Variants in NIPBL observed in about 807,000 individuals in gnomAD.
The protein encoded by NIPBL is nipped-B-like protein.
In NIPBL, 19 loss-of-function variants were observed where a neutral mutation model predicts 321.8. That is an observed-to-expected ratio of 0.06 (90% CI 0.04 to 0.09). NIPBL has a LOEUF of 0.09. Among genes scored for constraint, NIPBL ranks in the 10% least tolerant of loss-of-function variants. The pLI, the probability that NIPBL is intolerant of heterozygous loss-of-function variation, is 1.00. For synonymous variants in NIPBL, 1,106 were observed against 1,114.1 expected (o/e 0.99, Z 0.14); for missense variants, 2,210 against 3,327.0 (o/e 0.66, Z 8.26).
In NIPBL at chr5:37,060,467, T is replaced by C. The variant is rs1227920431; in HGVS notation, c.7686-377T>C. Among the ~76,000 whole-genome samples, 3 of 152,348 alleles carry C rather than the reference T, an allele frequency of 2.0e-5. 1 individual carries two copies. Among genetic ancestry groups the C allele is most frequent in the Admixed American group, 2.0e-4 (3 of 15,298 alleles). On this transcript the variant is annotated intron_variant, in intron 44 of 46. Coordinates refer to ENST00000282516, the MANE Select transcript of NIPBL (RefSeq NM_133433.4). ...GCATGAGCCACTGCTCCTGGCCTTA[T>C]AAGGAATATCTTGATGTTAAATGTT...
chr5:36,889,795 A>G (rs2149522803), intron 1 of NIPBL, among the ~76,000 whole-genome samples: 1 of 152,234 alleles, frequency 6.6e-6, no homozygotes, highest in East Asian at 1.9e-4. Context: ...TTGGAAGCCA[A>G]AACTACATAT....
At position 37,060,988 on chromosome 5, in the gene NIPBL, G is replaced by C. The variant is rs115668015; in HGVS notation, c.7830G>C (p.Val2610=). ...DMANSKITEE[V]KRSIVKQYLD... ...CTAATTCCAAAATCACAGAAGAGGT[G>C]AAAAGGAGTATAGTAAAACAGTATC... is the stretch of plus-strand genomic sequence containing the variant. Residue 2610 remains valine (V), a synonymous_variant, in exon 45 of 47, where the codon GTG becomes GTC. Coordinates refer to ENST00000282516, the MANE Select transcript of NIPBL (RefSeq NM_133433.4). The C allele has an allele frequency of 2.4e-3, 3,902 of 1,614,042 alleles. 12 individuals are homozygous for C. Among genetic ancestry groups the C allele is most frequent in the Non-Finnish European group, 2.9e-3 (3,382 of 1,179,992 alleles).
intron 6 of NIPBL, among the ~76,000 whole-genome samples, chr5:36,969,226 C>A (rs905463736): frequency 1.3e-5 from 2 of 152,156 alleles, no homozygotes; most frequent in African/African-American, 4.8e-5. Flanking sequence ...ATTATTATTA[C>A]ACCCGTATCT....
intron 34 of NIPBL, among the ~76,000 whole-genome samples, chr5:37,039,876 G>A (rs1752136469): frequency 6.6e-6 from 1 of 152,036 alleles, no homozygotes; most frequent in African/African-American, 2.4e-5. Context: ...TATCTTTAGG[G>A]TTCGTATTAG....
intron 22 of NIPBL, among the ~76,000 whole-genome samples, chr5:37,015,092 G>T (rs1027373243): frequency 2.0e-5 from 3 of 151,696 alleles, no homozygotes; most frequent in Non-Finnish European, 4.4e-5. Context: ...AGGAAAGTTT[G>T]TGAAGAGATG....
intron 10 of NIPBL, among the ~76,000 whole-genome samples, chr5:36,992,942 T>C (rs1242311829): frequency 4.0e-5 from 6 of 151,750 alleles, no homozygotes; most frequent in Admixed American, 2.6e-4. Context: ...GGGGTTTCAC[T>C]GTGTTAGCCA....
At chr5:36,880,108 G>T (rs1450682489) in intron 1 of NIPBL, among the ~76,000 whole-genome samples, 1 of 141,192 alleles carries the variant, frequency 7.1e-6, no homozygotes, top group East Asian at 2.1e-4. Context: ...GTTCTTCATA[G>T]TAATCATTAT....
At position 36,920,173 on chromosome 5, in the gene NIPBL, C is replaced by A. The variant is rs374928015; in HGVS notation, c.-79-33445C>A. 1.1e-3 allele frequency among the ~76,000 whole-genome samples: 173 copies of A among 152,174 alleles called. 1 individual carries two copies. The East Asian group carries it at 0.02, about 17-fold the overall frequency. ...AAAAAAGAAAAGGCTTCTCAAGTGACACAAATGCATATGTTTTCAGAGACT... is the reference window on the plus strand; with the variant it reads ...AAAAAAGAAAAGGCTTCTCAAGTGAAACAAATGCATATGTTTTCAGAGACT... On this transcript the variant is annotated intron_variant, in intron 1 of 46. Coordinates refer to ENST00000282516, the MANE Select transcript of NIPBL (RefSeq NM_133433.4).
chr5:36,943,735 A>G (rs751997959), intron 1 of NIPBL, among the ~76,000 whole-genome samples: 2 of 152,160 alleles, frequency 1.3e-5, no homozygotes, highest in African/African-American at 4.8e-5. Context: ...TGAGTTCAAC[A>G]GTAGAGTACG....
intron 1 of NIPBL, among the ~76,000 whole-genome samples, chr5:36,899,021 C>A (rs533394456): frequency 7.5e-4 from 114 of 152,218 alleles, no homozygotes; most frequent in Non-Finnish European, 1.4e-3. Flanking sequence ...AGAAAACTCT[C>A]AAGTGTTTGC....
intron 1 of NIPBL, among the ~76,000 whole-genome samples, chr5:36,947,967 C>G (rs891527613): frequency 6.6e-6 from 1 of 151,836 alleles, no homozygotes. Context: ...AGCAATATAT[C>G]TTTAATATCT....
chr5:36,923,665 A>G (rs894849451), intron 1 of NIPBL, among the ~76,000 whole-genome samples: 1 of 152,164 alleles, frequency 6.6e-6, no homozygotes, highest in Non-Finnish European at 1.5e-5. Context: ...GCAGTCACAG[A>G]AGTAGTCTTG....
intron 8 of NIPBL, 115 bp from the exon 9 acceptor site, chr5:36,975,661 A>G: frequency 9.8e-7 from 1 of 1,020,354 alleles, no homozygotes; most frequent in South Asian, 1.5e-5. Context: ...CTTGGATTAT[A>G]TAATTTCTTA....
At chr5:36,941,307 C>T (rs983133022) in intron 1 of NIPBL, among the ~76,000 whole-genome samples, 7 of 151,674 alleles carry the variant, frequency 4.6e-5, no homozygotes, top group African/African-American at 1.7e-4. Flanking sequence ...TTTTAGAAAC[C>T]GATCTTTCTA....
chr5:37,042,722 C>G (rs1324153810), intron 34 of NIPBL, among the ~76,000 whole-genome samples: 1 of 150,578 alleles, frequency 6.6e-6, no homozygotes, highest in Non-Finnish European at 1.5e-5. Flanking sequence ...TCCAGCTACT[C>G]TGGAGGCTGA....
At chr5:36,900,503 A>G (rs1412013585) in intron 1 of NIPBL, among the ~76,000 whole-genome samples, 1 of 152,152 alleles carries the variant, frequency 6.6e-6, no homozygotes, top group African/African-American at 2.4e-5. Context: ...TCAAGAGATG[A>G]GAGAAGGAAG....
At chr5:36,961,148 AGT>A (rs1481658937) in intron 4 of NIPBL, among the ~76,000 whole-genome samples, 1 of 152,174 alleles carries the variant, frequency 6.6e-6, no homozygotes, top group Non-Finnish European at 1.5e-5. Context: ...TGTAGAAGGA[AGT>A]GTATTGTGTT....
intron 32 of NIPBL, among the ~76,000 whole-genome samples, chr5:37,029,955 A>G (rs1160528843): frequency 6.6e-6 from 1 of 152,188 alleles, no homozygotes. Flanking sequence ...AGTTAAGTTT[A>G]TGTCAGCCAT....
At chr5:36,975,159 T>C (rs2149626962) in intron 8 of NIPBL, among the ~76,000 whole-genome samples, 2 of 152,034 alleles carry the variant, frequency 1.3e-5, no homozygotes, top group East Asian at 3.9e-4. Flanking sequence ...CTGAAGAGAG[T>C]ATGTGAATGA....
Sources: gnomAD v4.1 joint callset for allele counts (sites outside exome capture counted in the v4.1 genomes callset) on GRCh38, gnomAD v4.1.1 for gene constraint, MANE v1.5 for transcripts, NCBI Gene and HGNC (gene_info 2026-07-23, HGNC 2026-07-21) for gene names.